SMARCA2: variants seen among roughly 807,000 people sequenced by gnomAD.
The protein encoded by SMARCA2 is SWI/SNF-related matrix-associated actin-dependent regulator of chromatin subfamily A member 2.
Under a neutral mutation model 199.8 loss-of-function variants are expected in SMARCA2, and 61 were observed. The observed-to-expected ratio is 0.31, with a 90% CI of 0.25 to 0.38. The LOEUF (loss-of-function observed/expected upper bound fraction) is 0.38. SMARCA2 is among the 10% of genes least tolerant of loss of function. The probability of loss-of-function intolerance (pLI) is 1.00; values close to 1 mark genes in which losing one functional copy is unlikely to be tolerated. For synonymous variants in SMARCA2, 935 were observed against 732.0 expected (o/e 1.28, Z -4.48); for missense variants, 1,344 against 2,012.2 (o/e 0.67, Z 6.35).
At chr9:2,054,398 A>G (rs1203487613) in intron 5 of SMARCA2, among the ~76,000 whole-genome samples, 199 bp from the exon 6 acceptor site, 1 of 152,254 alleles carries the variant, frequency 6.6e-6, no homozygotes, top group Non-Finnish European at 1.5e-5. Flanking sequence ...TAAGTAACAT[A>G]TACCTGTCTG....
At chr9:2,159,687 T>C (rs545477292) in intron 27 of SMARCA2, 16 of 1,228,250 alleles carry the variant, frequency 1.3e-5, no homozygotes, top group African/African-American at 6.0e-5. Context: ...TCGGGCCTTG[T>C]AGTAGGTAGC....
At chr9:2,084,291 T>A in intron 17 of SMARCA2, 95 bp downstream of exon 17, 1 of 651,640 alleles carries the variant, frequency 1.5e-6, no homozygotes, top group Non-Finnish European at 2.6e-6. Flanking sequence ...GATCCTTAGA[T>A]GGCTTGTCCT....
At chr9:2,159,807 T>C (rs1211008146) in intron 27 of SMARCA2, 2 of 1,608,690 alleles carry the variant, frequency 1.2e-6, no homozygotes, top group South Asian at 2.2e-5. Flanking sequence ...TTTTTTTTCC[T>C]GATCAGCTGA....
At chr9:2,080,244 A>G (rs1338937796) in intron 14 of SMARCA2, 4 of 151,894 alleles carry the variant, frequency 2.6e-5, no homozygotes, top group African/African-American at 4.8e-5. Flanking sequence ...TCTTCCTGCT[A>G]CTCCTAGAGA....
chr9:2,066,303 A>G (rs997687931), intron 9 of SMARCA2, among the ~76,000 whole-genome samples: 10 of 152,266 alleles, frequency 6.6e-5, no homozygotes, highest in African/African-American at 1.9e-4. Flanking sequence ...TCTAAATAAA[A>G]TGGCCTACTG....
chr9:2,180,710 G>A (rs1016180560), intron 29 of SMARCA2, among the ~76,000 whole-genome samples: 1 of 152,172 alleles, frequency 6.6e-6, no homozygotes, highest in Non-Finnish European at 1.5e-5. Context: ...ATCTCTTTGT[G>A]CCTTTAACCA....
intron 27 of SMARCA2, among the ~76,000 whole-genome samples, chr9:2,156,537 TCTC>T (rs1428992464): frequency 2.0e-5 from 3 of 148,852 alleles, no homozygotes; most frequent in Non-Finnish European, 4.4e-5. Context: ...TTCAAGCAAT[TCTC>T]CTGCCTCAGA....
At position 2,119,187 on chromosome 9, in the gene SMARCA2, GT is replaced by G. The variant is rs984461321; in HGVS notation, c.3685-269del. On this transcript the variant is annotated intron_variant, in intron 25 of 33. Transcript: ENST00000349721. The surrounding 1 kb of genome is among the most constrained non-coding windows in gnomAD (Gnocchi z 4.6). ...GAAGCGAGGAGACATTAAGTAACTTGTTGTAAAAGTAACAGAATCAAGATAC... is the reference window on the plus strand; with the variant it reads ...GAAGCGAGGAGACATTAAGTAACTTGTGTAAAAGTAACAGAATCAAGATAC... Among the ~76,000 whole-genome samples the G allele has an allele frequency of 3.3e-5, 5 of 152,186 alleles. No homozygotes were observed. The highest frequency in any genetic ancestry group is 1.2e-4 in the African/African-American group (5 of 41,452).
intron 1 of SMARCA2, among the ~76,000 whole-genome samples, chr9:2,024,667 C>G (rs928763208): frequency 2.6e-5 from 4 of 152,102 alleles, no homozygotes; most frequent in African/African-American, 7.2e-5. Flanking sequence ...CTTCTACTTT[C>G]TACCCCTGCA....
chr9:2,093,268 G>A (rs951244034), intron 19 of SMARCA2, among the ~76,000 whole-genome samples: 3 of 152,214 alleles, frequency 2.0e-5, no homozygotes, highest in Non-Finnish European at 2.9e-5. Context: ...TATGTGTTGG[G>A]AAATGCTTAT....
chr9:2,134,057 G>A (rs1824084446), intron 27 of SMARCA2, among the ~76,000 whole-genome samples: 1 of 152,174 alleles, frequency 6.6e-6, no homozygotes, highest in South Asian at 2.1e-4. Context: ...TGGCATATAA[G>A]AAGGACTCAG....
At chr9:2,097,856 A>C (rs1325154192) in intron 21 of SMARCA2, among the ~76,000 whole-genome samples, 1 of 152,242 alleles carries the variant, frequency 6.6e-6, no homozygotes, top group Non-Finnish European at 1.5e-5. Context: ...AAAAATATTA[A>C]AATAATGTAT....
At chr9:2,176,578 A>G (rs1826619844) in intron 29 of SMARCA2, among the ~76,000 whole-genome samples, 1 of 152,086 alleles carries the variant, frequency 6.6e-6, no homozygotes, top group Non-Finnish European at 1.5e-5. Flanking sequence ...GAGACAACAA[A>G]GTCAGCTCTG....
chr9:2,159,107 C>A, intron 27 of SMARCA2: 1 of 1,142,740 alleles, frequency 8.8e-7, no homozygotes, highest in Non-Finnish European at 1.2e-6. Flanking sequence ...CGCTTCTTAG[C>A]TACTCACAGA....
intron 1 of SMARCA2, among the ~76,000 whole-genome samples, chr9:2,022,361 C>T (rs909105146): frequency 1.3e-5 from 2 of 152,190 alleles, no homozygotes; most frequent in Admixed American, 6.5e-5. Flanking sequence ...TAGTCAGCTA[C>T]TGTTATGCCT....
In SMARCA2 at chr9:2,039,076, G is replaced by C. The variant is rs568253495; in HGVS notation, c.356-390G>C. Among the ~76,000 whole-genome samples, 1 of 152,046 alleles carries C rather than the reference G, an allele frequency of 6.6e-6. No individual in the cohort carries two copies. The highest frequency in any genetic ancestry group is 1.5e-5 in the Non-Finnish European group (1 of 68,004). Reference sequence around the variant, plus strand: ...TGATCACTTGAAGTGTGGTTAGTTCGAATTGAGATGTCCTTTAAGTGTAAA... The same window carrying C: ...TGATCACTTGAAGTGTGGTTAGTTCCAATTGAGATGTCCTTTAAGTGTAAA... On this transcript the variant is annotated intron_variant, in intron 3 of 33. Coordinates refer to ENST00000349721, the MANE Select transcript of SMARCA2 (RefSeq NM_003070.5). The surrounding 1 kb of genome is among the most constrained non-coding windows in gnomAD (Gnocchi z 4.8).
At chr9:2,022,294 C>T (rs184373592) in intron 1 of SMARCA2, among the ~76,000 whole-genome samples, 290 of 152,268 alleles carry the variant, frequency 1.9e-3, no homozygotes, top group African/African-American at 6.8e-3. Context: ...CATATAGTAG[C>T]TCACAAGGTG....
Position 2,036,212 on chromosome 9 carries a change from G to A in SMARCA2, c.355+3131G>A, listed in dbSNP as rs1159930291. On this transcript the variant is annotated intron_variant, in intron 3 of 33. Coordinates refer to ENST00000349721, the MANE Select transcript of SMARCA2 (RefSeq NM_003070.5). ...TGTGTGTGTGTGTGTGTTTGTATGT[G>A]TGCGTGTAGAGAAAATTCATGTAGA... Among the ~76,000 whole-genome samples, 3 of 152,086 alleles carry A rather than the reference G, an allele frequency of 2.0e-5. No homozygotes were observed. The East Asian group carries it at 5.8e-4, about 29-fold the overall frequency.
At chr9:2,094,970 A>G (rs965951766) in intron 19 of SMARCA2, among the ~76,000 whole-genome samples, 6 of 152,216 alleles carry the variant, frequency 3.9e-5, no homozygotes, top group Admixed American at 2.6e-4. Flanking sequence ...ATGTTTATGT[A>G]TATCAAAATC....
Sources: gnomAD v4.1 joint callset for allele counts (sites outside exome capture counted in the v4.1 genomes callset) on GRCh38, gnomAD v4.1.1 for gene constraint, Gnocchi (gnomAD v3.1) non-coding constraint, MANE v1.5 for transcripts, NCBI Gene and HGNC (gene_info 2026-07-23, HGNC 2026-07-21) for gene names.